The following PDGFD variants were observed in gnomAD, a reference collection of about 807,000 sequenced individuals.
PDGFD encodes platelet derived growth factor D.
Under a neutral mutation model 44.7 loss-of-function variants are expected in PDGFD, and 30 were observed. That is an observed-to-expected ratio of 0.67 (90% CI 0.50 to 0.91). The LOEUF is 0.91. Ranked by LOEUF, PDGFD falls within the 40% of genes least tolerant of loss-of-function variation. PDGFD has a pLI of 0.00. For synonymous variants in PDGFD, 173 were observed against 168.4 expected (o/e 1.03, Z -0.21); for missense variants, 445 against 457.8 (o/e 0.97, Z 0.25).
chr11:103,973,368 C>T (rs1173695747), intron 3 of PDGFD, among the ~76,000 whole-genome samples: 1 of 150,904 alleles, frequency 6.6e-6, no homozygotes, highest in Non-Finnish European at 1.5e-5. Context: ...GGGATGGTCT[C>T]GATCTCCCGA....
At chr11:104,113,474 CATTGTTTGG>C (rs2134454422) in intron 1 of PDGFD, among the ~76,000 whole-genome samples, 1 of 152,154 alleles carries the variant, frequency 6.6e-6, no homozygotes, top group South Asian at 2.1e-4. Flanking sequence ...AATAATATTC[CATTGTTTGG>C]ATAGCACAGT....
chr11:104,163,796 T>G lies in PDGFD; in HGVS notation c.124+8A>C. ...TTTTTCAGTTAAAAAATAAAATGAGTCTCTTACCATCTCGCCTGAGGTTGG... is the reference window on the plus strand; with the variant it reads ...TTTTTCAGTTAAAAAATAAAATGAGGCTCTTACCATCTCGCCTGAGGTTGG... On this transcript the variant is annotated splice_region_variant and intron_variant, in intron 1 of 6. Transcript: ENST00000393158. 6.6e-7 allele frequency: 1 copy of G among 1,518,234 alleles called. No individual in the cohort carries two copies. Among genetic ancestry groups the G allele is most frequent in the Non-Finnish European group, 8.9e-7 (1 of 1,121,152 alleles). 94.0% of individuals were successfully genotyped at this position (1,518,234 alleles called of 1,614,324 possible).
chr11:104,005,685 T>TATG (rs1859691460), intron 1 of PDGFD, among the ~76,000 whole-genome samples: 1 of 152,216 alleles, frequency 6.6e-6, no homozygotes, highest in Non-Finnish European at 1.5e-5. Flanking sequence ...ATGCCATTGG[T>TATG]ATTATCCCCA....
At chr11:104,155,433 T>C (rs1250026035) in intron 1 of PDGFD, among the ~76,000 whole-genome samples, 2 of 152,200 alleles carry the variant, frequency 1.3e-5, no homozygotes, top group Non-Finnish European at 2.9e-5. Flanking sequence ...GTCTCATGAA[T>C]GCTTTTCAAG....
chr11:104,132,647 T>C (rs979199655), intron 1 of PDGFD, among the ~76,000 whole-genome samples: 1 of 152,128 alleles, frequency 6.6e-6, no homozygotes, highest in Admixed American at 6.5e-5. Flanking sequence ...ACAGATAATA[T>C]ACATCTTTAT....
In PDGFD at chr11:103,918,358, G is replaced by A. The variant is rs554371914; in HGVS notation, c.988-8539C>T. On this transcript the variant is annotated intron_variant, in intron 6 of 6. Coordinates refer to ENST00000393158, the MANE Select transcript of PDGFD (RefSeq NM_025208.5). ...TTCCAAGACTATCTGGCCTGTAAAA[G>A]AGATTTGAGAACTAGGGGATGCAGG... Among the ~76,000 whole-genome samples the A allele has an allele frequency of 3.3e-5, 5 of 152,300 alleles. No individual in the cohort carries two copies. In the East Asian group the frequency reaches 9.7e-4, roughly 29 times the overall value.
At chr11:104,054,382 T>G (rs567966881) in intron 1 of PDGFD, among the ~76,000 whole-genome samples, 2 of 152,338 alleles carry the variant, frequency 1.3e-5, no homozygotes, top group Admixed American at 6.5e-5. Context: ...GATGAAATAG[T>G]CTATTTCCTC....
intron 3 of PDGFD, among the ~76,000 whole-genome samples, chr11:103,954,147 G>T (rs926532211): frequency 6.6e-6 from 1 of 152,204 alleles, no homozygotes; most frequent in Non-Finnish European, 1.5e-5. Flanking sequence ...TTTCTCCAGA[G>T]AAACTTTCTT....
At chr11:104,111,884 C>A (rs969257161) in intron 1 of PDGFD, among the ~76,000 whole-genome samples, 27 of 152,106 alleles carry the variant, frequency 1.8e-4, no homozygotes, top group African/African-American at 6.0e-4. Context: ...TGCATCTATG[C>A]CTGCTTCAAA....
In PDGFD at chr11:104,018,852, C is replaced by T. The variant is rs142445343; in HGVS notation, c.125-18597G>A. Among the ~76,000 whole-genome samples the T allele has an allele frequency of 3.9e-5, 6 of 152,296 alleles. No homozygotes were observed. The East Asian group carries it at 7.7e-4, about 20-fold the overall frequency. On this transcript the variant is annotated intron_variant, in intron 1 of 6. Coordinates refer to ENST00000393158, the MANE Select transcript of PDGFD (RefSeq NM_025208.5). ...ATATTGTGTAGTATTAATGCTGTTGCGGATTTGTGCCTCTTTCCTTACTGG... is the reference window on the plus strand; with the variant it reads ...ATATTGTGTAGTATTAATGCTGTTGTGGATTTGTGCCTCTTTCCTTACTGG...
At chr11:104,141,334 ATT>A (rs759734137) in intron 1 of PDGFD, among the ~76,000 whole-genome samples, 3 of 151,934 alleles carry the variant, frequency 2.0e-5, no homozygotes, top group Admixed American at 1.3e-4. Context: ...ATGAGATTTA[ATT>A]TTTTTTGTGC....
At chr11:104,130,525 A>G (rs915725676) in intron 1 of PDGFD, among the ~76,000 whole-genome samples, 4 of 152,196 alleles carry the variant, frequency 2.6e-5, no homozygotes, top group Non-Finnish European at 4.4e-5. Context: ...TGAGCAACAT[A>G]AATTAATGCC....
At chr11:104,115,590 T>C (rs1464251138) in intron 1 of PDGFD, among the ~76,000 whole-genome samples, 1 of 151,992 alleles carries the variant, frequency 6.6e-6, no homozygotes, top group African/African-American at 2.4e-5. Context: ...AGTTCTACTT[T>C]TAGTTCTTTA....
intron 5 of PDGFD, 59 bp from the exon 6 acceptor site, chr11:103,927,185 A>T: frequency 6.8e-7 from 1 of 1,478,908 alleles, no homozygotes; most frequent in Non-Finnish European, 9.4e-7. Flanking sequence ...ATTGCTCAGC[A>T]TGTGTTTTGG....
At chr11:103,925,080 T>G (rs1337784665) in intron 6 of PDGFD, among the ~76,000 whole-genome samples, 1 of 152,174 alleles carries the variant, frequency 6.6e-6, no homozygotes, top group Non-Finnish European at 1.5e-5. Flanking sequence ...CTGTGTTAGT[T>G]TGCTGAGAAT....
intron 1 of PDGFD, among the ~76,000 whole-genome samples, chr11:104,011,741 T>G (rs1341006633): frequency 6.6e-6 from 1 of 152,078 alleles, no homozygotes; most frequent in Non-Finnish European, 1.5e-5. Flanking sequence ...GGTTGTACTA[T>G]GATGCAGTAT....
At chr11:104,118,732 AT>A (rs1269477834) in intron 1 of PDGFD, among the ~76,000 whole-genome samples, 6 of 120,004 alleles carry the variant, frequency 5.0e-5, no homozygotes, top group Admixed American at 3.3e-4. Context: ...TTATTAATAT[AT>A]TAATATATAT....
intron 5 of PDGFD, among the ~76,000 whole-genome samples, chr11:103,927,896 C>T (rs533132549): frequency 6.6e-6 from 1 of 152,354 alleles, no homozygotes; most frequent in South Asian, 2.1e-4. Context: ...TGTAACGTGC[C>T]TGGCACTCAA....
intron 6 of PDGFD, among the ~76,000 whole-genome samples, chr11:103,914,875 A>C (rs138403739): frequency 0.017 from 2,592 of 152,346 alleles, 76 homozygotes; most frequent in African/African-American, 0.06. Flanking sequence ...GATGCAGAAA[A>C]GGCCTTTGTC....
Sources: gnomAD v4.1 joint callset for allele counts (sites outside exome capture counted in the v4.1 genomes callset) on GRCh38, gnomAD v4.1.1 for gene constraint, MANE v1.5 for transcripts, NCBI Gene and HGNC (gene_info 2026-07-23, HGNC 2026-07-21) for gene names.